The following TBXAS1 variants were observed in gnomAD, a reference collection of about 807,000 sequenced individuals.
The protein encoded by TBXAS1 is thromboxane A synthase 1.
TBXAS1 carries 48 observed loss-of-function variants against 60.7 expected under a neutral mutation model. The observed-to-expected ratio is 0.79, with a 90% CI of 0.63 to 1.01. The LOEUF is 1.01. Among genes scored for constraint, TBXAS1 ranks in the 50% least tolerant of loss-of-function variants. TBXAS1 has a pLI of 0.00. For synonymous variants in TBXAS1, 287 were observed against 269.7 expected (o/e 1.06, Z -0.63); for missense variants, 685 against 686.3 (o/e 1.00, Z 0.02).
intron 4 of TBXAS1, among the ~76,000 whole-genome samples, chr7:139,933,338 A>G (rs1281662037): frequency 6.6e-6 from 1 of 152,212 alleles, no homozygotes; most frequent in African/African-American, 2.4e-5. Context: ...TCTCTAATTT[A>G]TTCTGTCTCA....
Position 140,017,783 on chromosome 7 carries a change from C to T in TBXAS1, c.1477C>T (p.Leu493=). ...AGGGCTGCTTGAGGTCAAGTTGACACTGCTCCACGTGCTGCACAAGTTCCG... is the reference window on the plus strand; with the variant it reads ...AGGGCTGCTTGAGGTCAAGTTGACATTGCTCCACGTGCTGCACAAGTTCCG... ...RLGLLEVKLT[L]LHVLHKFRFQ... The change falls in exon 12 of 13, where the codon CTG becomes TTG. Residue 493 remains leucine (L), a synonymous_variant. Transcript: ENST00000448866. The T allele has an allele frequency of 1.2e-6, 2 of 1,614,126 alleles. No individual in the cohort carries two copies. Among genetic ancestry groups the T allele is most frequent in the Non-Finnish European group, 1.7e-6 (2 of 1,179,978 alleles).
chr7:139,879,368 C>T (rs1468755763), intron 3 of TBXAS1, among the ~76,000 whole-genome samples: 2 of 152,092 alleles, frequency 1.3e-5, no homozygotes, highest in African/African-American at 4.8e-5. Context: ...AGCTATTAGT[C>T]GTGGTGGTAC....
intron 10 of TBXAS1, among the ~76,000 whole-genome samples, chr7:140,007,798 A>G (rs534594113): frequency 5.9e-5 from 9 of 152,182 alleles, no homozygotes; most frequent in Non-Finnish European, 8.8e-5. Flanking sequence ...TTTGAGCTGT[A>G]ACTATACACT....
At chr7:139,843,802 G>A (rs1799626168) in intron 1 of TBXAS1, among the ~76,000 whole-genome samples, 1 of 152,212 alleles carries the variant, frequency 6.6e-6, no homozygotes, top group Non-Finnish European at 1.5e-5. Flanking sequence ...CGAGATAGCA[G>A]CACTGTTTCC....
intron 1 of TBXAS1, among the ~76,000 whole-genome samples, chr7:139,849,400 CAA>C (rs3831717): frequency 1.7e-4 from 25 of 147,660 alleles, no homozygotes; most frequent in African/African-American, 4.7e-4. Flanking sequence ...CAAAAAACAA[CAA>C]AAAAAAAACA....
At chr7:139,787,365 C>T (rs1408380900) in exon 4 of TBXAS1, 2 of 152,144 alleles carry the variant, frequency 1.3e-5, no homozygotes, top group African/African-American at 4.8e-5. Context: ...GACTGCCTGG[C>T]TGATGTGAGC....
intron 9 of TBXAS1, among the ~76,000 whole-genome samples, chr7:140,000,194 G>A (rs1209259653): frequency 6.6e-6 from 1 of 152,160 alleles, no homozygotes; most frequent in African/African-American, 2.4e-5. Context: ...TTAATCTATT[G>A]TATTTAAATG....
chr7:139,859,105 C>A lies in TBXAS1; in HGVS notation c.90-13130C>A, dbSNP rs181960422. Among the ~76,000 whole-genome samples the A allele has an allele frequency of 7.2e-3, 1,095 of 152,244 alleles. 17 individuals are homozygous for A. Among genetic ancestry groups the A allele is most frequent in the African/African-American group, 0.026 (1,068 of 41,554 alleles). Reference sequence around the variant, plus strand: ...GGTCAGGCTGGTCTCAAACTCCCAACCTCAGGTGATCCGCCTGCCTCTGCC... The same window carrying A: ...GGTCAGGCTGGTCTCAAACTCCCAAACTCAGGTGATCCGCCTGCCTCTGCC... On this transcript the variant is annotated intron_variant, in intron 1 of 12. Transcript: ENST00000448866.
intron 9 of TBXAS1, among the ~76,000 whole-genome samples, chr7:139,991,318 G>A (rs532123575): frequency 2.4e-4 from 27 of 114,304 alleles, no homozygotes; most frequent in Admixed American, 1.6e-3. Flanking sequence ...TGACCCCCAC[G>A]ATGCCCCCAT....
intron 9 of TBXAS1, among the ~76,000 whole-genome samples, chr7:139,964,568 C>T (rs1810632622): frequency 6.6e-6 from 1 of 152,202 alleles, no homozygotes; most frequent in Non-Finnish European, 1.5e-5. Context: ...AAGCCCAGCG[C>T]TCTGGTCTCA....
rs1327012113 is a variant in TBXAS1, at chr7:140,017,652, T to G, written c.1365-19T>G. On this transcript the variant is annotated intron_variant, in intron 11 of 12. Coordinates refer to ENST00000448866, the MANE Select transcript of TBXAS1 (RefSeq NM_001061.7). ...GGGAGCGGGTGTTCTGGGCCAGCCC[T>G]GACCACACGGACCTGCAGGTTCACG... 1.2e-6 allele frequency: 2 copies of G among 1,612,078 alleles called. No individual in the cohort carries two copies. Among genetic ancestry groups the G allele is most frequent in the Admixed American group, 3.3e-5 (2 of 59,984 alleles).
intron 9 of TBXAS1, among the ~76,000 whole-genome samples, chr7:139,992,818 T>A (rs1319046286): frequency 1.3e-5 from 2 of 152,212 alleles, no homozygotes; most frequent in African/African-American, 4.8e-5. Context: ...TGAAGGCATC[T>A]CCCTCTCAGA....
At chr7:139,947,586 C>T (rs961867746) in intron 5 of TBXAS1, among the ~76,000 whole-genome samples, 3 of 152,226 alleles carry the variant, frequency 2.0e-5, no homozygotes, top group African/African-American at 7.2e-5. Context: ...AAACTGGGTA[C>T]TTTAATTACA....
chr7:139,945,482 TG>T (rs1247247371), intron 5 of TBXAS1, among the ~76,000 whole-genome samples: 2 of 152,232 alleles, frequency 1.3e-5, no homozygotes, highest in Admixed American at 1.3e-4. Flanking sequence ...TCATGTTTCT[TG>T]GGTACCTTCT....
intron 5 of TBXAS1, among the ~76,000 whole-genome samples, chr7:139,938,771 G>T (rs115136427): frequency 1.3e-3 from 192 of 152,250 alleles, no homozygotes; most frequent in African/African-American, 4.2e-3. Context: ...CCTCATGTGT[G>T]AAAAAGAAAT....
At chr7:139,836,395 T>C (rs1310526493) in intron 1 of TBXAS1, among the ~76,000 whole-genome samples, 1 of 152,186 alleles carries the variant, frequency 6.6e-6, no homozygotes, top group Non-Finnish European at 1.5e-5. Context: ...TCTGGAGGCC[T>C]CACATTACCT....
intron 10 of TBXAS1, 129 bp downstream of exon 10, chr7:140,007,311 G>A (rs1161825735): frequency 1.2e-6 from 1 of 819,620 alleles, no homozygotes; most frequent in Non-Finnish European, 2.1e-6. Flanking sequence ...CTGAGTCCTG[G>A]GTTCCTTTGT....
At chr7:140,017,926 A>G in intron 12 of TBXAS1, 93 bp downstream of exon 12, 2 of 1,561,138 alleles carry the variant, frequency 1.3e-6, no homozygotes, top group Admixed American at 3.4e-5. Flanking sequence ...TGGGGGCAAC[A>G]TCAGGCTCTG....
chr7:139,846,609 T>C (rs567650244), intron 1 of TBXAS1, among the ~76,000 whole-genome samples: 36 of 152,308 alleles, frequency 2.4e-4, no homozygotes, highest in Non-Finnish European at 4.6e-4. Flanking sequence ...ATTTTGTTTA[T>C]CTAGTTATTT....
Sources: gnomAD v4.1 joint callset for allele counts (sites outside exome capture counted in the v4.1 genomes callset) on GRCh38, gnomAD v4.1.1 for gene constraint, MANE v1.5 for transcripts, NCBI Gene and HGNC (gene_info 2026-07-23, HGNC 2026-07-21) for gene names.